IGFL2: variants seen among roughly 807,000 people sequenced by gnomAD.
The protein encoded by IGFL2 is IGF like family member 2.
IGFL2 carries 7 observed loss-of-function variants against 13.9 expected under a neutral mutation model. The observed-to-expected ratio is 0.51, with a 90% confidence interval of 0.29 to 0.95. IGFL2 has a LOEUF of 0.95. Among genes scored for constraint, IGFL2 ranks in the 40% least tolerant of loss-of-function variants. IGFL2 has a pLI of 0.08. For synonymous variants in IGFL2, 55 were observed against 55.8 expected (o/e 0.99, Z 0.07); for missense variants, 138 against 147.8 (o/e 0.93, Z 0.34).
the IGFL2 span, among the ~76,000 whole-genome samples, chr19:46,177,310 T>C: frequency 6.6e-6 from 1 of 152,142 alleles, no homozygotes; most frequent in African/African-American, 2.4e-5. Flanking sequence ...GGAGGATCAC[T>C]TGAGCCTGGG....
chr19:46,194,845 TATATA>T, the IGFL2 span, among the ~76,000 whole-genome samples: 6 of 39,014 alleles, frequency 1.5e-4, no homozygotes, highest in African/African-American at 3.0e-4. Flanking sequence ...TATATATATA[TATATA>T]TATTTTTTTT....
At chr19:46,204,050 A>G in the IGFL2 span, 4 of 152,150 alleles carry the variant, frequency 2.6e-5, no homozygotes, top group African/African-American at 9.7e-5. Context: ...AAATTTCACC[A>G]GATTCCTGTC....
the IGFL2 span, among the ~76,000 whole-genome samples, chr19:46,131,076 C>T: frequency 2.3e-3 from 346 of 152,240 alleles, 2 homozygotes; most frequent in African/African-American, 7.9e-3. Flanking sequence ...TCACATATAA[C>T]TTTTTCTATA....
chr19:46,157,457 T>A (rs1973887536), intron 1 of IGFL2, among the ~76,000 whole-genome samples: 3 of 152,210 alleles, frequency 2.0e-5, no homozygotes, highest in South Asian at 4.1e-4. Context: ...TTCCAGAATG[T>A]AAGCCTGGCA....
At chr19:46,150,248 G>A (rs770219388) in intron 1 of IGFL2, among the ~76,000 whole-genome samples, 7 of 152,094 alleles carry the variant, frequency 4.6e-5, no homozygotes, top group Non-Finnish European at 8.8e-5. Context: ...TTAGTTGTAA[G>A]AGTTTTAGAA....
chr19:46,113,040 C>T, the IGFL2 span: 2 of 152,146 alleles, frequency 1.3e-5, no homozygotes, highest in Non-Finnish European at 2.9e-5. Flanking sequence ...TTTGGGTGCA[C>T]CCATAGGAGA....
chr19:46,186,518 G>C, the IGFL2 span, among the ~76,000 whole-genome samples: 2 of 151,088 alleles, frequency 1.3e-5, no homozygotes, highest in Non-Finnish European at 3.0e-5. Flanking sequence ...CCTGGATATG[G>C]TCCCACATGG....
the IGFL2 span, chr19:46,120,198 C>T: frequency 1.5e-6 from 2 of 1,373,558 alleles, no homozygotes; most frequent in Non-Finnish European, 2.0e-6. Flanking sequence ...GGGCTCCTCT[C>T]CAAAGCTATG....
At chr19:46,185,323 C>A in the IGFL2 span, among the ~76,000 whole-genome samples, 1 of 152,212 alleles carries the variant, frequency 6.6e-6, no homozygotes, top group African/African-American at 2.4e-5. Context: ...TGTCTACTAC[C>A]CTTCCTTAGG....
the IGFL2 span, chr19:46,197,198 C>A: frequency 9.3e-6 from 2 of 215,502 alleles, no homozygotes; most frequent in South Asian, 1.5e-4. Context: ...TGCCCCTGGT[C>A]CCTCAGTCCC....
At chr19:46,159,557 C>T (rs1434943510) in intron 1 of IGFL2, 1 of 152,182 alleles carries the variant, frequency 6.6e-6, no homozygotes, top group Non-Finnish European at 1.5e-5. Flanking sequence ...ATCTCATTGT[C>T]ACCTGCCTGT....
At chr19:46,173,571 A>G in the IGFL2 span, 1 of 152,410 alleles carries the variant, frequency 6.6e-6, no homozygotes, top group Admixed American at 6.5e-5. Flanking sequence ...ACATGGCAAG[A>G]CAGAGAACAG....
chr19:46,140,237 C>G (rs62110740), upstream of IGFL2, among the ~76,000 whole-genome samples: 1 of 139,322 alleles, frequency 7.2e-6, no homozygotes. Flanking sequence ...TGAGCCACCA[C>G]GCCCAGCCTA....
At chr19:46,119,116 G>A in the IGFL2 span, among the ~76,000 whole-genome samples, 2 of 152,296 alleles carry the variant, frequency 1.3e-5, no homozygotes, top group East Asian at 3.9e-4. Context: ...CCCTCCAGGT[G>A]AGTTTGAGGT....
the IGFL2 span, among the ~76,000 whole-genome samples, chr19:46,083,697 A>G: frequency 6.6e-6 from 1 of 152,226 alleles, no homozygotes; most frequent in Non-Finnish European, 1.5e-5. Flanking sequence ...CAGAGAGGAC[A>G]GAAGAGTCAC....
the IGFL2 span, among the ~76,000 whole-genome samples, chr19:46,107,038 T>C: frequency 5.1e-4 from 78 of 152,232 alleles, no homozygotes; most frequent in East Asian, 0.013. Flanking sequence ...ATAAGGTAAC[T>C]GGGCAAGTGG....
At chr19:46,132,524 C>T in the IGFL2 span, among the ~76,000 whole-genome samples, 1 of 152,108 alleles carries the variant, frequency 6.6e-6, no homozygotes, top group Non-Finnish European at 1.5e-5. Flanking sequence ...ACAGAAAAGT[C>T]CACAGGCTTC....
chr19:46,143,615 C>T (rs527682567), upstream of IGFL2, among the ~76,000 whole-genome samples: 27 of 150,144 alleles, frequency 1.8e-4, no homozygotes, highest in South Asian at 5.7e-3. Context: ...TTTTCAACTG[C>T]CCAAGGGTGT....
the IGFL2 span, chr19:46,207,566 G>C: frequency 1.3e-5 from 2 of 152,110 alleles, no homozygotes; most frequent in Admixed American, 1.3e-4. Context: ...ATTTTTCGTA[G>C]AGACGGGGTT....
Sources: allele counts gnomAD v4.1 joint callset (sites outside exome capture counted in the v4.1 genomes callset), GRCh38; gene constraint gnomAD v4.1.1; transcripts MANE v1.5; gene names NCBI Gene and HGNC (gene_info 2026-07-23, HGNC 2026-07-21).